Variants in PKD1L3 observed in about 807,000 individuals in gnomAD.
PKD1L3 encodes polycystin 1 like 3, transient receptor potential channel interacting, also known as polycystin-1-like protein 3.
PKD1L3 carries 239 observed loss-of-function variants against 184.1 expected under a neutral mutation model. That is an observed-to-expected ratio of 1.30 (90% CI 1.17 to 1.45). PKD1L3 has a LOEUF of 1.45. Among genes scored for constraint, PKD1L3 ranks in the 40% most tolerant of loss-of-function variants. The pLI is 0.00. For missense variants in PKD1L3, 2,660 were observed against 2,067.2 expected (o/e 1.29, Z -5.56); for synonymous variants, 996 against 778.8 (o/e 1.28, Z -4.64).
At chr16:71,975,662 T>C (rs2039890775) in intron 11 of PKD1L3, among the ~76,000 whole-genome samples, 1 of 152,230 alleles carries the variant, frequency 6.6e-6, no homozygotes, top group Admixed American at 6.5e-5. Context: ...CATATAACCA[T>C]TAACTAGATT....
chr16:71,943,649 G>A (rs1413495790), intron 23 of PKD1L3, among the ~76,000 whole-genome samples: 1 of 151,788 alleles, frequency 6.6e-6, no homozygotes, highest in African/African-American at 2.4e-5. Context: ...AAGAAGTGAA[G>A]TCATGATAAA....
chr16:71,957,193 G>C (rs1427916211), intron 16 of PKD1L3, among the ~76,000 whole-genome samples: 1 of 152,048 alleles, frequency 6.6e-6, no homozygotes, highest in Non-Finnish European at 1.5e-5. Flanking sequence ...ACACAGAGAA[G>C]GCAGTGATGT....
intron 29 of PKD1L3, 83 bp from the exon 30 acceptor site, chr16:71,929,761 T>C (rs925865664): frequency 7.8e-7 from 1 of 1,289,064 alleles, no homozygotes; most frequent in African/African-American, 1.5e-5. Context: ...CAAAGATTTT[T>C]AAAAAATTAG....
At chr16:71,995,168 A>G (rs1047761402) in intron 2 of PKD1L3, among the ~76,000 whole-genome samples, 4 of 152,090 alleles carry the variant, frequency 2.6e-5, no homozygotes, top group Non-Finnish European at 5.9e-5. Flanking sequence ...GAAGGCTGCA[A>G]CCTCGTAAGG....
At chr16:71,994,661 T>C (rs1244235643) in intron 2 of PKD1L3, among the ~76,000 whole-genome samples, 1 of 152,146 alleles carries the variant, frequency 6.6e-6, no homozygotes, top group Non-Finnish European at 1.5e-5. Flanking sequence ...CAGCTCCAAT[T>C]CTTCTCCTCC....
intron 10 of PKD1L3, among the ~76,000 whole-genome samples, chr16:71,977,734 G>A (rs141006631): frequency 1.3e-5 from 2 of 151,022 alleles, no homozygotes; most frequent in African/African-American, 4.9e-5. Flanking sequence ...TAATACTGCT[G>A]GGGTTAAGGA....
intron 14 of PKD1L3, 88 bp downstream of exon 14, chr16:71,967,818 C>CT: frequency 3.7e-6 from 4 of 1,075,494 alleles, no homozygotes; most frequent in Non-Finnish European, 5.5e-6. Context: ...TTTTAAAGTG[C>CT]TATTGGTTGC....
intron 9 of PKD1L3, 73 bp downstream of exon 9, chr16:71,979,713 T>C (rs750111072): frequency 1.5e-5 from 22 of 1,437,350 alleles, no homozygotes; most frequent in Admixed American, 6.1e-5. Context: ...TCATGATACA[T>C]TACTTTCACC....
intron 15 of PKD1L3, among the ~76,000 whole-genome samples, chr16:71,964,501 G>C (rs1181426509): frequency 2.0e-5 from 3 of 151,246 alleles, no homozygotes; most frequent in Non-Finnish European, 4.4e-5. Context: ...ACCACGCCCG[G>C]CTAGTTTTTG....
intron 6 of PKD1L3, among the ~76,000 whole-genome samples, chr16:71,982,978 C>G (rs1418553521): frequency 6.6e-6 from 1 of 152,100 alleles, no homozygotes; most frequent in Non-Finnish European, 1.5e-5. Context: ...AAAAAAGTTA[C>G]AATTTGACAG....
intron 18 of PKD1L3, among the ~76,000 whole-genome samples, chr16:71,951,960 A>G (rs1271164842): frequency 1.3e-5 from 2 of 152,190 alleles, no homozygotes; most frequent in Non-Finnish European, 2.9e-5. Flanking sequence ...ACAGAATGAA[A>G]AAAGAGACAA....
At chr16:71,952,701 T>A (rs1021366086) in intron 18 of PKD1L3, among the ~76,000 whole-genome samples, 193 bp downstream of exon 18, 10 of 150,522 alleles carry the variant, frequency 6.6e-5, no homozygotes, top group Non-Finnish European at 1.3e-4. Flanking sequence ...CCAGACATGG[T>A]GTCACATGCC....
At chr16:71,948,888 T>C (rs1273866174) in intron 21 of PKD1L3, among the ~76,000 whole-genome samples, 1 of 147,612 alleles carries the variant, frequency 6.8e-6, no homozygotes, top group Non-Finnish European at 1.5e-5. Flanking sequence ...TATCCACCAC[T>C]ACAGTCAAGA....
chr16:71,937,448 AAG>A, intron 24 of PKD1L3, 29 bp from the exon 25 acceptor site: 15 of 1,544,910 alleles, frequency 9.7e-6, no homozygotes, highest in Non-Finnish European at 1.3e-5. Flanking sequence ...ACCTGGAGTC[AAG>A]AGTCTAAAAC....
In PKD1L3 at chr16:71,983,783, C is replaced by G. The variant is rs371820193; in HGVS notation, c.966+253G>C. On this transcript the variant is annotated intron_variant, in intron 6 of 29. Coordinates refer to ENST00000620267, the MANE Select transcript of PKD1L3 (RefSeq NM_181536.2). ...GGTTCAAGTGATTATTGTGCCTCAG[C>G]CTTCCAAGTAGCTGAGATTACAGGT... 5.8e-4 allele frequency among the ~76,000 whole-genome samples: 87 copies of G among 149,178 alleles called. 3 individuals are homozygous for G. The South Asian group carries it at 0.018, about 31-fold the overall frequency.
intron 27 of PKD1L3, 50 bp from the exon 28 acceptor site, chr16:71,933,571 C>G (rs2143118050): frequency 2.2e-6 from 3 of 1,349,476 alleles, no homozygotes; most frequent in Non-Finnish European, 2.1e-6. Flanking sequence ...GCACATCTTT[C>G]TATCCTGAGG....
chr16:72,000,387 G>T lies in PKD1L3; in HGVS notation c.-409C>A, dbSNP rs752663231. On this transcript the variant is annotated 5_prime_UTR_variant, in exon 1 of 30. Transcript: ENST00000620267. Reference sequence around the variant, plus strand: ...CTCATTCTGTTGGTCAGGCTGGAGTGCAGTGGCATGATCTCAGCTCACTGC... The same window carrying T: ...CTCATTCTGTTGGTCAGGCTGGAGTTCAGTGGCATGATCTCAGCTCACTGC... Among the ~76,000 whole-genome samples, 18 of 152,088 alleles carry T rather than the reference G, an allele frequency of 1.2e-4. No homozygotes were observed. Among genetic ancestry groups the T allele is most frequent in the African/African-American group, 1.7e-4 (7 of 41,384 alleles).
Position 71,929,671 on chromosome 16 carries a change from G to T in PKD1L3, c.5066C>A (p.Ala1689Asp). ...CTGTAGCAGTGTATCTATTAGTGCAGCTTCTTTCTGAGTATTGAAGACAAA... is the reference window on the plus strand; with the variant it reads ...CTGTAGCAGTGTATCTATTAGTGCATCTTCTTTCTGAGTATTGAAGACAAA... ...GKERKSLKKEAALIDTLLQKL... is the reference protein window; with the variant it reads ...GKERKSLKKEDALIDTLLQKL... Residue 1689 changes from alanine (A) to aspartate (D), a missense_variant, in exon 30 of 30, where the codon GCT becomes GAT. Transcript: ENST00000620267. 6.5e-7 allele frequency: 1 copy of T among 1,544,808 alleles called. No individual in the cohort carries two copies.
In PKD1L3 at chr16:71,997,073, G is replaced by C. The variant is rs987673788; in HGVS notation, c.418+1199C>G. On this transcript the variant is annotated intron_variant, in intron 2 of 29. Transcript: ENST00000620267. The stretch of plus-strand genomic sequence containing the variant: ...AGTAGAGAGAGGAAAGTGGGAAAGA[G>C]TCACCCGGGAGAGTGGAAACAGTAT... Among the ~76,000 whole-genome samples the C allele has an allele frequency of 2.0e-5, 3 of 151,566 alleles. No individual in the cohort carries two copies. The East Asian group carries it at 5.8e-4, about 29-fold the overall frequency.
Sources: gnomAD v4.1 joint callset for allele counts (sites outside exome capture counted in the v4.1 genomes callset) on GRCh38, gnomAD v4.1.1 for gene constraint, MANE v1.5 for transcripts, NCBI Gene and HGNC (gene_info 2026-07-23, HGNC 2026-07-21) for gene names.